The following AGBL2 variants were observed in gnomAD, a reference collection of about 807,000 sequenced individuals.
AGBL2 encodes the protein AGBL carboxypeptidase 2.
In AGBL2, 87 loss-of-function variants were observed where a neutral mutation model predicts 103.0. The observed-to-expected ratio is 0.84, with a 90% confidence interval of 0.71 to 1.01. The LOEUF (loss-of-function observed/expected upper bound fraction) is 1.01, where lower values mean the gene tolerates loss of function less well. Among genes scored for constraint, AGBL2 ranks in the 50% least tolerant of loss-of-function variants. AGBL2 has a pLI of 0.00. For missense variants in AGBL2, 904 were observed against 1,023.5 expected (o/e 0.88, Z 1.59); for synonymous variants, 335 against 356.7 (o/e 0.94, Z 0.69).
chr11:47,706,861 C>T (rs1356405733), intron 4 of AGBL2, among the ~76,000 whole-genome samples: 40 of 118,856 alleles, frequency 3.4e-4, no homozygotes, highest in Non-Finnish European at 6.2e-4. Context: ...CCAGCCTGGC[C>T]AACATGGTGA....
intron 13 of AGBL2, among the ~76,000 whole-genome samples, chr11:47,678,803 A>G (rs1598948868): frequency 6.6e-6 from 1 of 151,002 alleles, no homozygotes; most frequent in East Asian, 2.0e-4. Flanking sequence ...CGCGCCTATA[A>G]TCCCAGCAGT....
intron 10 of AGBL2, 35 bp from the exon 11 acceptor site, chr11:47,686,084 C>A: frequency 6.3e-7 from 1 of 1,594,214 alleles, no homozygotes; most frequent in Non-Finnish European, 8.6e-7. Context: ...TCAGTGGACA[C>A]CCAAATGCAT....
chr11:47,706,564 G>A (rs944624530), intron 4 of AGBL2, among the ~76,000 whole-genome samples: 3 of 151,998 alleles, frequency 2.0e-5, no homozygotes, highest in African/African-American at 7.2e-5. Flanking sequence ...GAATATGACA[G>A]GTGCCCTTAT....
rs760653847 is a variant in AGBL2, at chr11:47,710,429, A to T, written c.180T>A (p.Leu60=). The change falls in exon 4 of 19, where the codon CTT becomes CTA. Residue 60 remains leucine (L), a synonymous_variant. Transcript: ENST00000525123. ...NNPQCLLNGS[L]GEKDDLIPDT... Reference sequence around the variant, plus strand: ...CTGGTATCAAATCATCTTTTTCCCCAAGAGAGCCATTCAACAGGCATTGAG... The same window carrying T: ...CTGGTATCAAATCATCTTTTTCCCCTAGAGAGCCATTCAACAGGCATTGAG... 12 of 1,614,142 alleles carry T rather than the reference A, an allele frequency of 7.4e-6. No homozygotes were observed. The highest frequency in any genetic ancestry group is 2.2e-5 in the East Asian group (1 of 44,876).
intron 17 of AGBL2, among the ~76,000 whole-genome samples, chr11:47,664,632 C>CA (rs1276740936): frequency 6.6e-6 from 1 of 151,858 alleles, no homozygotes; most frequent in Non-Finnish European, 1.5e-5. Context: ...AGGATGGTCT[C>CA]AATCTCCTGA....
intron 14 of AGBL2, among the ~76,000 whole-genome samples, chr11:47,674,115 C>T (rs1175236717): frequency 2.0e-5 from 3 of 151,706 alleles, no homozygotes; most frequent in Non-Finnish European, 2.9e-5. Context: ...ATAAATAAAA[C>T]AGATATAGTA....
chr11:47,697,872 T>A lies in AGBL2; in HGVS notation c.694+1574A>T, dbSNP rs2097482294. Among the ~76,000 whole-genome samples, 4 of 151,012 alleles carry A rather than the reference T, an allele frequency of 2.6e-5. No individual in the cohort carries two copies. In the South Asian group the frequency reaches 8.4e-4, roughly 32 times the overall value. ...TTTTTTATTTTATTTTTTATTTTTT[T>A]TTAATGAGACGGAGTTTCACCCTTG... On this transcript the variant is annotated intron_variant, in intron 8 of 18. Coordinates refer to ENST00000525123, the MANE Select transcript of AGBL2 (RefSeq NM_024783.4).
chr11:47,704,501 GT>G, intron 7 of AGBL2, 41 bp downstream of exon 7: 1 of 1,065,884 alleles, frequency 9.4e-7, no homozygotes, highest in Non-Finnish European at 1.3e-6. Context: ...AAAAAAAAAA[GT>G]CAGGCAGAAT....
chr11:47,685,865 T>A (rs766037127), intron 11 of AGBL2, 28 bp downstream of exon 11: 2 of 1,606,272 alleles, frequency 1.2e-6, no homozygotes, highest in African/African-American at 1.3e-5. Context: ...CCTAACTCAA[T>A]GGAGAGAAAA....
chr11:47,665,872 G>A (rs2153802658), intron 17 of AGBL2, among the ~76,000 whole-genome samples: 1 of 152,214 alleles, frequency 6.6e-6, no homozygotes, highest in African/African-American at 2.4e-5. Context: ...AGCCAGGCAA[G>A]GTGGCATGTG....
Position 47,690,557 on chromosome 11 carries a change from G to C in AGBL2, c.1150C>G (p.Pro384Ala), listed in dbSNP as rs113540514. The change falls in exon 10 of 19, where the codon CCA becomes GCA. Residue 384 changes from proline to alanine, a missense_variant. Coordinates refer to ENST00000525123, the MANE Select transcript of AGBL2 (RefSeq NM_024783.4). ...AAGAAGCAAGTGTCCTGGTCATATG[G>C]AAACTGAATGGTCCACGTGAGACAG... ...FYCLTWTIQF[P>A]YDQDTCFFAH... The C allele has an allele frequency of 3.3e-4, 528 of 1,614,190 alleles. No individual in the cohort carries two copies. In the African/African-American group the frequency reaches 5.6e-3, roughly 17 times the overall value.
intron 3 of AGBL2, among the ~76,000 whole-genome samples, chr11:47,713,165 C>G (rs946718597): frequency 1.3e-5 from 2 of 151,898 alleles, no homozygotes; most frequent in African/African-American, 2.4e-5. Context: ...CATGTTGAAA[C>G]CCCGTCTCTA....
In AGBL2 at chr11:47,690,522, G is replaced by T; in HGVS notation, c.1185C>A (p.Phe395Leu). The change falls in exon 10 of 19, where the codon TTC becomes TTA. Residue 395 changes from phenylalanine to leucine, a missense_variant. Phe to Leu is a conservative substitution (Grantham distance 22). Transcript: ENST00000525123. Reference sequence around the variant, plus strand: ...GCAAATCAGTGTATGTATATGGGTAGAAGTGTGCAAAGAAGCAAGTGTCCT... The same window carrying T: ...GCAAATCAGTGTATGTATATGGGTATAAGTGTGCAAAGAAGCAAGTGTCCT... Reference protein sequence around the residue: ...YDQDTCFFAHFYPYTYTDLQC... With the variant: ...YDQDTCFFAHLYPYTYTDLQC... The T allele has an allele frequency of 1.2e-6, 2 of 1,614,168 alleles. No individual in the cohort carries two copies. Among genetic ancestry groups the T allele is most frequent in the Non-Finnish European group, 1.7e-6 (2 of 1,180,024 alleles).
chr11:47,681,930 C>T, intron 12 of AGBL2, 39 bp downstream of exon 12: 2 of 1,592,340 alleles, frequency 1.3e-6, no homozygotes, highest in Non-Finnish European at 1.7e-6. Context: ...TTGGATTTCC[C>T]TTCCTATGCT....
In AGBL2 at chr11:47,680,084, A is replaced by C; in HGVS notation, c.1916-11T>G. 1 of 1,469,672 alleles carries C rather than the reference A, an allele frequency of 6.8e-7. No individual in the cohort carries two copies. The highest frequency in any genetic ancestry group is 9.4e-7 in the Non-Finnish European group (1 of 1,065,060). The allele number at this position is 1,469,672 out of a possible 1,614,324, so 91.0% of individuals were successfully genotyped here. The stretch of plus-strand genomic sequence containing the variant: ...TGTCTCTTTTATTACCTGGAAAAAA[A>C]AAAAACCCCGCAAACATTTCCAATT... On this transcript the variant is annotated splice_polypyrimidine_tract_variant and intron_variant, in intron 12 of 18. Coordinates refer to ENST00000525123, the MANE Select transcript of AGBL2 (RefSeq NM_024783.4).
At chr11:47,710,123 A>G in intron 4 of AGBL2, 1 of 411,628 alleles carries the variant, frequency 2.4e-6, no homozygotes, top group Admixed American at 3.5e-5. Flanking sequence ...TCCTAACCTC[A>G]AGTGATCCTC....
chr11:47,697,848 T>A (rs1271482476), intron 8 of AGBL2, among the ~76,000 whole-genome samples: 4 of 149,638 alleles, frequency 2.7e-5, no homozygotes, highest in African/African-American at 7.4e-5. Context: ...GCCCGGCCTT[T>A]TTTTATTTTA....
At chr11:47,707,228 A>G (rs967940409) in intron 4 of AGBL2, among the ~76,000 whole-genome samples, 3 of 152,144 alleles carry the variant, frequency 2.0e-5, no homozygotes, top group Admixed American at 6.6e-5. Flanking sequence ...AAGCAAACGT[A>G]TAAGATACAT....
chr11:47,668,654 C>A (rs2097348300), intron 15 of AGBL2, among the ~76,000 whole-genome samples, 187 bp downstream of exon 15: 2 of 152,098 alleles, frequency 1.3e-5, no homozygotes, highest in Non-Finnish European at 2.9e-5. Context: ...CTTAAGATGG[C>A]CTTAAAAATT....
Sources: gnomAD v4.1 joint callset for allele counts (sites outside exome capture counted in the v4.1 genomes callset) on GRCh38, gnomAD v4.1.1 for gene constraint, MANE v1.5 for transcripts, NCBI Gene and HGNC (gene_info 2026-07-23, HGNC 2026-07-21) for gene names.